The following UBR1 variants were observed in gnomAD, a reference collection of about 807,000 sequenced individuals.
UBR1 encodes the protein ubiquitin protein ligase E3 component n-recognin 1.
Under a neutral mutation model 242.1 loss-of-function variants are expected in UBR1, and 102 were observed. The observed-to-expected ratio is 0.42, with a 90% CI of 0.36 to 0.50. The LOEUF (loss-of-function observed/expected upper bound fraction) is 0.50, where lower values mean the gene tolerates loss of function less well. Among genes scored for constraint, UBR1 ranks in the 20% least tolerant of loss-of-function variants. The probability of loss-of-function intolerance (pLI) is 0.01; values close to 1 mark genes in which losing one functional copy is unlikely to be tolerated. For synonymous variants in UBR1, 675 were observed against 684.8 expected, an observed-to-expected ratio of 0.99 and a Z score of 0.22; for missense variants, 1,772 against 2,101.8, an observed-to-expected ratio of 0.84 and a Z score of 3.07.
chr15:42,960,194 G>C (rs1348368330), intron 43 of UBR1, among the ~76,000 whole-genome samples: 1 of 151,974 alleles, frequency 6.6e-6, no homozygotes, highest in Non-Finnish European at 1.5e-5. Context: ...GAGATAAGAG[G>C]GCTGAAGAAA....
chr15:43,083,874 C>T (rs2034001870), intron 2 of UBR1, among the ~76,000 whole-genome samples: 1 of 151,718 alleles, frequency 6.6e-6, no homozygotes, highest in Non-Finnish European at 1.5e-5. Flanking sequence ...GAAACCCCGT[C>T]TCTACTAAAA....
chr15:42,989,910 A>G, intron 34 of UBR1, 120 bp downstream of exon 34: 2 of 776,096 alleles, frequency 2.6e-6, no homozygotes, highest in Non-Finnish European at 4.2e-6. Flanking sequence ...AGAAAGAAAC[A>G]AGATAATGGG....
chr15:42,977,445 G>A (rs990087608), intron 38 of UBR1, among the ~76,000 whole-genome samples: 24 of 152,114 alleles, frequency 1.6e-4, no homozygotes, highest in African/African-American at 5.6e-4. Flanking sequence ...AAAAACTAAG[G>A]GCAGTTGCCA....
intron 1 of UBR1, among the ~76,000 whole-genome samples, chr15:43,089,606 TA>T (rs1193049620): frequency 5.3e-5 from 8 of 152,146 alleles, no homozygotes; most frequent in African/African-American, 1.7e-4. Flanking sequence ...ATTATTGTAT[TA>T]TTTTTTTTCT....
At chr15:43,045,684 T>C (rs1204229886) in intron 14 of UBR1, among the ~76,000 whole-genome samples, 1 of 152,174 alleles carries the variant, frequency 6.6e-6, no homozygotes, top group African/African-American at 2.4e-5. Context: ...ACCATGTAAA[T>C]GGGACAAGCT....
rs757716545 is a variant in UBR1 at position 43,086,237 on chromosome 15, A to G, written c.85T>C (p.Trp29Arg). The stretch of plus-strand genomic sequence containing the variant: ...GTATAAAAATCAACTTGCTGATCCC[A>G]CCACTAAAAGAAAAGAAGATGAAAA... ...PQTPQRLASW[W>R]DQQVDFYTAF... The change falls in exon 2 of 47, where the codon TGG (tryptophan) becomes CGG (arginine). Residue 29 changes from tryptophan to arginine, a missense_variant. Trp to Arg is a moderately radical substitution (Grantham distance 101). This residue lies in a region of UBR1 where 734 missense variants were observed against 893.3 expected (regional missense o/e 0.82). Transcript: ENST00000290650. The G allele has an allele frequency of 5.6e-6, 9 of 1,613,832 alleles. No individual in the cohort carries two copies. In the South Asian group the frequency reaches 8.8e-5, roughly 16 times the overall value.
rs765285690 is a variant in UBR1 at position 42,964,040 on chromosome 15, G to A, written c.4595C>T (p.Ser1532Phe). The change falls in exon 42 of 47, where the codon TCT (serine) becomes TTT (phenylalanine). Residue 1532 changes from serine to phenylalanine, a missense_variant. By Grantham distance (155) the Ser-to-Phe change is radical. This residue lies in a region of UBR1 where 965 missense variants were observed against 1,079.7 expected (regional missense o/e 0.89). Transcript: ENST00000290650. ...GAGTGCACTGTACTCTCCTTCTGCA[G>A]AATCTGCAAGAGAATAAAAATACAT... is the stretch of plus-strand genomic sequence containing the variant. ...VTPPEELHTN[S>F]AEGEYSALCS... 6 of 1,599,614 alleles carry A rather than the reference G, an allele frequency of 3.8e-6. No individual in the cohort carries two copies. The highest frequency in any genetic ancestry group is 1.1e-5 in the South Asian group (1 of 90,708).
intron 3 of UBR1, among the ~76,000 whole-genome samples, chr15:43,079,709 G>A (rs900735816): frequency 2.0e-5 from 3 of 152,144 alleles, no homozygotes; most frequent in Admixed American, 2.0e-4. Context: ...GTGAACCCGG[G>A]AGACAGAGAT....
intron 6 of UBR1, among the ~76,000 whole-genome samples, chr15:43,067,510 T>C (rs374077874): frequency 1.3e-5 from 2 of 152,196 alleles, no homozygotes; most frequent in African/African-American, 2.4e-5. Flanking sequence ...AACTGAGCCA[T>C]AGAATTAATA....
intron 46 of UBR1, among the ~76,000 whole-genome samples, chr15:42,947,299 T>C (rs112376877): frequency 1.5e-4 from 23 of 152,328 alleles, no homozygotes; most frequent in African/African-American, 5.5e-4. Flanking sequence ...AACATTAAGA[T>C]GGCTGGTGTC....
intron 21 of UBR1, among the ~76,000 whole-genome samples, chr15:43,029,125 G>GCGCGCACACACACACACACACACACA (rs750364868): frequency 4.6e-5 from 7 of 150,956 alleles, no homozygotes; most frequent in African/African-American, 1.7e-4. Flanking sequence ...ACACACACAC[G>GCGCGCACACACACACACACACACACA]CACACACACA....
In UBR1 at chr15:43,059,703, T is replaced by C; in HGVS notation, c.984A>G (p.Ser328=). The C allele has an allele frequency of 1.2e-6, 2 of 1,613,998 alleles. No homozygotes were observed. Among genetic ancestry groups the C allele is most frequent in the South Asian group, 1.1e-5 (1 of 91,074 alleles). Residue 328 remains serine (S), a splice_region_variant and synonymous_variant, in exon 8 of 47, where the codon TCA becomes TCG. Coordinates refer to ENST00000290650, the MANE Select transcript of UBR1 (RefSeq NM_174916.3). The stretch of plus-strand genomic sequence containing the variant: ...AAGAAAAACAGGAGGTATGCTTACT[T>C]GAATAGCTCATAATTTTGTTCATCC... ...GSWMNKIMSY[S]SDFRQIFCQA... is the part of the protein sequence containing the mutation.
intron 29 of UBR1, among the ~76,000 whole-genome samples, chr15:43,011,659 G>A (rs1182043217): frequency 4.6e-5 from 7 of 152,104 alleles, no homozygotes; most frequent in Non-Finnish European, 5.9e-5. Flanking sequence ...AAGTAAATTA[G>A]GCACGTATAT....
At position 43,043,402 on chromosome 15, in the gene UBR1, G is replaced by A. The variant is rs774061661; in HGVS notation, c.1669-7C>T. 1 of 1,613,732 alleles carries A rather than the reference G, an allele frequency of 6.2e-7. No homozygotes were observed. The highest frequency in any genetic ancestry group is 2.2e-5 in the East Asian group (1 of 44,860). On this transcript the variant is annotated splice_polypyrimidine_tract_variant and splice_region_variant and intron_variant, in intron 14 of 46. Transcript: ENST00000290650. The stretch of plus-strand genomic sequence containing the variant: ...CCACAAGTAAGAGTTCTTCCTAAGA[G>A]GAAAATAAGATACAAAAAGTTGACA...
chr15:42,987,569 C>T (rs1433904068), intron 35 of UBR1, among the ~76,000 whole-genome samples: 1 of 151,992 alleles, frequency 6.6e-6, no homozygotes, highest in African/African-American at 2.4e-5. Flanking sequence ...CAAAAATTGG[C>T]TGGGCGTGGT....
At chr15:43,043,973 G>T (rs2033452342) in intron 14 of UBR1, among the ~76,000 whole-genome samples, 1 of 152,168 alleles carries the variant, frequency 6.6e-6, no homozygotes, top group South Asian at 2.1e-4. Context: ...ACATATTTGT[G>T]AAAGCAGCTT....
chr15:42,964,175 AC>A (rs748573588), intron 41 of UBR1, 132 bp from the exon 42 acceptor site: 1 of 725,388 alleles, frequency 1.4e-6, no homozygotes, highest in Non-Finnish European at 2.4e-6. Context: ...ATTCTATAAA[AC>A]CATGGGTGGC....
At chr15:42,961,273 C>G (rs763749880) in intron 42 of UBR1, among the ~76,000 whole-genome samples, 3 of 151,724 alleles carry the variant, frequency 2.0e-5, no homozygotes, top group Non-Finnish European at 4.4e-5. Context: ...CCACCATGCC[C>G]GGTTAATTTT....
At chr15:43,100,479 T>C (rs2034218415) in intron 1 of UBR1, among the ~76,000 whole-genome samples, 1 of 152,204 alleles carries the variant, frequency 6.6e-6, no homozygotes, top group Non-Finnish European at 1.5e-5. Context: ...TCATTAATGT[T>C]GATCCTCAGT....
Sources: gnomAD v4.1 joint callset for allele counts (sites outside exome capture counted in the v4.1 genomes callset) on GRCh38, gnomAD v4.1.1 for gene constraint, gnomAD v4.1.1 regional missense constraint, MANE v1.5 for transcripts, NCBI Gene and HGNC (gene_info 2026-07-23, HGNC 2026-07-21) for gene names.